The following IGSF21 variants were observed in gnomAD, a reference collection of about 807,000 sequenced individuals.
The protein encoded by IGSF21 is immunoglobulin superfamily member 21.
IGSF21 carries 28 observed loss-of-function variants against 46.8 expected under a neutral mutation model. That is an observed-to-expected ratio of 0.60 (90% CI 0.44 to 0.82). The LOEUF (loss-of-function observed/expected upper bound fraction) is 0.82. Among genes scored for constraint, IGSF21 ranks in the 40% least tolerant of loss-of-function variants. The pLI, the probability that IGSF21 is intolerant of heterozygous loss-of-function variation, is 0.00. For missense variants in IGSF21, 624 were observed against 665.5 expected (o/e 0.94, Z 0.69); for synonymous variants, 284 against 273.6 (o/e 1.04, Z -0.38).
At chr1:18,229,486 G>T (rs2084602700) in intron 2 of IGSF21, among the ~76,000 whole-genome samples, 1 of 152,178 alleles carries the variant, frequency 6.6e-6, no homozygotes, top group Non-Finnish European at 1.5e-5. Flanking sequence ...TTCATGGTTT[G>T]CTTGTTGTTG....
chr1:18,177,211 A>G (rs1031569), intron 1 of IGSF21, among the ~76,000 whole-genome samples: 87,623 of 152,062 alleles, frequency 0.58, 25,553 homozygotes, highest in Middle Eastern at 0.66. Context: ...CTGGTGGCCT[A>G]GAGAATCCAG....
Position 18,278,988 on chromosome 1 carries a change from A to C in IGSF21, c.184-12878A>C, listed in dbSNP as rs74056583. The C allele has an allele frequency of 1.7e-3, 768 of 460,018 alleles. 9 individuals are homozygous for C. The highest frequency in any genetic ancestry group is 0.014 in the African/African-American group (710 of 50,040). The allele number at this position is 460,018 out of a possible 1,614,324, so 28.5% of individuals were successfully genotyped here. ...GGGGAAGAAAACATGAAGCTATAGA[A>C]CTAAGCTAGGGCTTGTCTCTGAGCC... On this transcript the variant is annotated intron_variant, in intron 2 of 9. Transcript: ENST00000251296.
chr1:18,377,368 T>G, intron 8 of IGSF21, 25 bp from the exon 9 acceptor site: 1 of 1,609,826 alleles, frequency 6.2e-7, no homozygotes, highest in Non-Finnish European at 8.5e-7. Flanking sequence ...CACCCTTTGG[T>G]TCTCTTTCTG....
intron 3 of IGSF21, among the ~76,000 whole-genome samples, chr1:18,305,825 G>T (rs1209390669): frequency 1.3e-5 from 2 of 152,238 alleles, no homozygotes; most frequent in Non-Finnish European, 2.9e-5. Flanking sequence ...GCACAAAGCT[G>T]CAGGGCAGGG....
intron 3 of IGSF21, among the ~76,000 whole-genome samples, chr1:18,333,283 A>C (rs1200474337): frequency 6.6e-6 from 1 of 152,204 alleles, no homozygotes; most frequent in Non-Finnish European, 1.5e-5. Context: ...AGTTGTAGCC[A>C]GAATAGGCTG....
At chr1:18,156,084 C>T (rs187226324) in intron 1 of IGSF21, among the ~76,000 whole-genome samples, 300 of 152,330 alleles carry the variant, frequency 2.0e-3, no homozygotes, top group Non-Finnish European at 2.5e-3. Flanking sequence ...CTCTCACACG[C>T]GACAGGCTGG....
intron 3 of IGSF21, among the ~76,000 whole-genome samples, chr1:18,308,600 T>C (rs1205931582): frequency 6.6e-6 from 1 of 152,144 alleles, no homozygotes; most frequent in Non-Finnish European, 1.5e-5. Context: ...CAGACAGACA[T>C]GTAATGAGGC....
At chr1:18,167,076 CA>C (rs1383411378) in intron 1 of IGSF21, 1 of 152,892 alleles carries the variant, frequency 6.5e-6, no homozygotes, top group Non-Finnish European at 1.5e-5. Flanking sequence ...TGTGAGGCCA[CA>C]AGTGCTTGCA....
At chr1:18,170,561 T>G (rs2124457960) in intron 1 of IGSF21, among the ~76,000 whole-genome samples, 1 of 151,902 alleles carries the variant, frequency 6.6e-6, no homozygotes, top group African/African-American at 2.4e-5. Context: ...ACTAATGTAA[T>G]CCTCACAAGA....
intron 4 of IGSF21, among the ~76,000 whole-genome samples, chr1:18,340,338 C>T (rs77958630): frequency 0.027 from 4,063 of 152,138 alleles, 87 homozygotes; most frequent in South Asian, 0.051. Context: ...AAAGCAATGT[C>T]AGGAAAAACC....
At chr1:18,327,385 G>A (rs773621370) in intron 3 of IGSF21, among the ~76,000 whole-genome samples, 5 of 152,168 alleles carry the variant, frequency 3.3e-5, no homozygotes, top group Non-Finnish European at 7.3e-5. Context: ...GACCAGCCGT[G>A]CCATGTCCTC....
intron 3 of IGSF21, among the ~76,000 whole-genome samples, chr1:18,296,560 G>A (rs1306960767): frequency 6.6e-6 from 1 of 152,204 alleles, no homozygotes; most frequent in Admixed American, 6.5e-5. Context: ...CAGGTACAGA[G>A]AGGGAACCTC....
intron 4 of IGSF21, among the ~76,000 whole-genome samples, chr1:18,356,555 G>T (rs614462): frequency 0.86 from 131,048 of 152,260 alleles, 56,518 homozygotes; most frequent in Non-Finnish European, 0.9. Flanking sequence ...GGATTATTCT[G>T]GCCCAGGAAG....
At chr1:18,284,907 G>A (rs767392903) in intron 2 of IGSF21, among the ~76,000 whole-genome samples, 8 of 149,432 alleles carry the variant, frequency 5.4e-5, no homozygotes, top group Admixed American at 1.3e-4. Flanking sequence ...ACACTCTCTC[G>A]GCTGCCTGGA....
At chr1:18,197,282 C>A (rs2087019671) in intron 1 of IGSF21, among the ~76,000 whole-genome samples, 1 of 152,132 alleles carries the variant, frequency 6.6e-6, no homozygotes, top group South Asian at 2.1e-4. Flanking sequence ...TGCTGTGGCC[C>A]CCAGATGGCA....
At chr1:18,123,345 C>G (rs2086250843) in intron 1 of IGSF21, among the ~76,000 whole-genome samples, 1 of 152,184 alleles carries the variant, frequency 6.6e-6, no homozygotes, top group African/African-American at 2.4e-5. Context: ...GCTCCATTTC[C>G]TGGGAGCATA....
At chr1:18,295,413 A>C (rs999361545) in intron 3 of IGSF21, among the ~76,000 whole-genome samples, 5 of 152,204 alleles carry the variant, frequency 3.3e-5, no homozygotes, top group Admixed American at 2.0e-4. Context: ...CGGCTTTGCA[A>C]TCTAGTCGGA....
chr1:18,333,836 C>T (rs911390942), intron 3 of IGSF21, among the ~76,000 whole-genome samples: 2 of 152,170 alleles, frequency 1.3e-5, no homozygotes, highest in African/African-American at 2.4e-5. Flanking sequence ...TCTAGCTCAT[C>T]GCCTATTTTT....
At chr1:18,190,892 C>A (rs1443670309) in intron 1 of IGSF21, among the ~76,000 whole-genome samples, 1 of 152,178 alleles carries the variant, frequency 6.6e-6, no homozygotes, top group African/African-American at 2.4e-5. Flanking sequence ...CCTGGGAAGG[C>A]AGCAGCCAAG....
Sources: allele counts gnomAD v4.1 joint callset (sites outside exome capture counted in the v4.1 genomes callset), GRCh38; gene constraint gnomAD v4.1.1; transcripts MANE v1.5; gene names NCBI Gene and HGNC (gene_info 2026-07-23, HGNC 2026-07-21).